The following ASB3 variants were observed in gnomAD, a reference collection of about 807,000 sequenced individuals.
The protein encoded by ASB3 is ankyrin repeat and SOCS box protein 3.
In ASB3, 41 loss-of-function variants were observed where a neutral mutation model predicts 54.5. The observed-to-expected ratio is 0.75, with a 90% CI of 0.59 to 0.98. ASB3 has a LOEUF of 0.98. ASB3 is among the 50% of genes least tolerant of loss of function. The probability of loss-of-function intolerance (pLI) is 0.00; values close to 1 mark genes in which losing one functional copy is unlikely to be tolerated. For missense variants in ASB3, 733 were observed against 620.0 expected, an observed-to-expected ratio of 1.18 and a Z score of -1.94; for synonymous variants, 266 against 221.2, an observed-to-expected ratio of 1.20 and a Z score of -1.80.
At position 53,700,394 on chromosome 2, in the gene ASB3, C is replaced by A. The variant is rs778438272; in HGVS notation, c.1115G>T (p.Gly372Val). ...AAATTCATATATATGGTTCCATGGT[C>A]CCAATGAGCAACCTTTCCTCAAAAA... ...RYFLRKGCSL[G>V]PWNHIYEFVN... Residue 372 changes from glycine to valine, a missense_variant, in exon 8 of 10, where the codon GGA becomes GTA. Physicochemically the swap from Gly to Val is moderately radical, Grantham distance 109. Coordinates refer to ENST00000263634, the MANE Select transcript of ASB3 (RefSeq NM_016115.5). 1 of 1,613,950 alleles carries A rather than the reference C, an allele frequency of 6.2e-7. No homozygotes were observed. The highest frequency in any genetic ancestry group is 8.5e-7 in the Non-Finnish European group (1 of 1,180,004).
At chr2:53,746,425 T>C (rs1195948727) in intron 3 of ASB3, among the ~76,000 whole-genome samples, 1 of 152,002 alleles carries the variant, frequency 6.6e-6, no homozygotes, top group Non-Finnish European at 1.5e-5. Flanking sequence ...ATTTTTTCCA[T>C]ACACAACACT....
intron 1 of ASB3, among the ~76,000 whole-genome samples, chr2:53,784,728 G>A (rs1674840335): frequency 6.6e-6 from 1 of 152,134 alleles, no homozygotes; most frequent in Non-Finnish European, 1.5e-5. Flanking sequence ...AAAGATACCA[G>A]TCACCAGATT....
chr2:53,718,368 T>C (rs1232848830), intron 5 of ASB3, among the ~76,000 whole-genome samples: 1 of 152,200 alleles, frequency 6.6e-6, no homozygotes, highest in Non-Finnish European at 1.5e-5. Context: ...ATTTTCAGCA[T>C]TCTTAAAGAG....
At chr2:53,738,453 A>T (rs1202718966) in intron 3 of ASB3, among the ~76,000 whole-genome samples, 4 of 152,232 alleles carry the variant, frequency 2.6e-5, no homozygotes, top group Non-Finnish European at 5.9e-5. Flanking sequence ...TTAAAATGGA[A>T]TAAAATTAAA....
chr2:53,724,989 C>A (rs947512748), intron 5 of ASB3, among the ~76,000 whole-genome samples: 1 of 152,126 alleles, frequency 6.6e-6, no homozygotes, highest in East Asian at 1.9e-4. Context: ...GCATGTTCAT[C>A]ACGGCACCAT....
chr2:53,721,398 C>CAAAAAAAAAAA (rs1195017138), intron 5 of ASB3, among the ~76,000 whole-genome samples: 1 of 87,386 alleles, frequency 1.1e-5, no homozygotes. Flanking sequence ...TACTAAACTA[C>CAAAAAAAAAAA]AAAAAAAAAA....
In ASB3 at chr2:53,670,448, T is replaced by C; in HGVS notation, c.*55A>G. 1.3e-6 allele frequency: 2 copies of C among 1,567,082 alleles called. No homozygotes were observed. Among genetic ancestry groups the C allele is most frequent in the East Asian group, 4.5e-5 (2 of 44,026 alleles). ...AAAAACTTGTACTCTGTGGCTCTTTTGTCTCGATGATTTTTCAGAGAAAAA... is the reference window on the plus strand; with the variant it reads ...AAAAACTTGTACTCTGTGGCTCTTTCGTCTCGATGATTTTTCAGAGAAAAA... On this transcript the variant is annotated 3_prime_UTR_variant, in exon 10 of 10. Coordinates refer to ENST00000263634, the MANE Select transcript of ASB3 (RefSeq NM_016115.5).
chr2:53,678,002 TTTA>T (rs1668171320), intron 9 of ASB3, among the ~76,000 whole-genome samples: 1 of 152,186 alleles, frequency 6.6e-6, no homozygotes, highest in South Asian at 2.1e-4. Flanking sequence ...TTTTAAAATT[TTTA>T]TTATTTTATT....
At chr2:53,759,919 T>G (rs1197278396) in intron 2 of ASB3, among the ~76,000 whole-genome samples, 1 of 152,090 alleles carries the variant, frequency 6.6e-6, no homozygotes, top group Non-Finnish European at 1.5e-5. Context: ...TGCTTGATCA[T>G]TGAGGGCCAG....
intron 2 of ASB3, among the ~76,000 whole-genome samples, chr2:53,751,207 G>C (rs1157459058): frequency 6.6e-6 from 1 of 152,136 alleles, no homozygotes; most frequent in Non-Finnish European, 1.5e-5. Flanking sequence ...AAGGGAAGAG[G>C]AGTGGCAGAA....
intron 1 of ASB3, chr2:53,774,643 G>A (rs537268578): frequency 2.1e-5 from 15 of 708,218 alleles, no homozygotes; most frequent in Admixed American, 1.1e-4. Flanking sequence ...ATTTTAACTG[G>A]AAATGTCCTG....
chr2:53,758,685 A>G (rs1558564149), intron 2 of ASB3, among the ~76,000 whole-genome samples: 1 of 152,186 alleles, frequency 6.6e-6, no homozygotes, highest in Non-Finnish European at 1.5e-5. Context: ...GAGTGTAACT[A>G]ATCCGATAAG....
chr2:53,771,290 G>A (rs1310771128), intron 1 of ASB3, among the ~76,000 whole-genome samples: 2 of 152,138 alleles, frequency 1.3e-5, no homozygotes, highest in African/African-American at 2.4e-5. Context: ...CGAGACGGGT[G>A]GATTACCTAA....
At chr2:53,751,851 A>G (rs1171029834) in intron 2 of ASB3, among the ~76,000 whole-genome samples, 1 of 152,196 alleles carries the variant, frequency 6.6e-6, no homozygotes, top group Non-Finnish European at 1.5e-5. Flanking sequence ...ACAGTCTCAA[A>G]CTTCACAGAT....
chr2:53,687,244 A>G (rs1668677775), intron 9 of ASB3, among the ~76,000 whole-genome samples: 1 of 152,012 alleles, frequency 6.6e-6, no homozygotes, highest in African/African-American at 2.4e-5. Flanking sequence ...TTAACTATAA[A>G]TTTCTCGCTA....
At chr2:53,765,816 G>T (rs978025921) in intron 1 of ASB3, among the ~76,000 whole-genome samples, 16 of 152,060 alleles carry the variant, frequency 1.1e-4, no homozygotes, top group Non-Finnish European at 1.9e-4. Flanking sequence ...AAACATGAAG[G>T]GACTTTTAAG....
At chr2:53,671,432 C>T (rs180842724) in intron 9 of ASB3, among the ~76,000 whole-genome samples, 110 of 150,106 alleles carry the variant, frequency 7.3e-4, no homozygotes, top group African/African-American at 2.5e-3. Flanking sequence ...AGCTAACTAC[C>T]AATTAAAGGA....
chr2:53,755,839 A>G (rs1366743689), intron 2 of ASB3, among the ~76,000 whole-genome samples: 4 of 152,178 alleles, frequency 2.6e-5, no homozygotes, highest in African/African-American at 9.7e-5. Context: ...AATATCCAGA[A>G]TACATAAAGA....
At chr2:53,725,282 TAGAG>T (rs1303215735) in intron 5 of ASB3, among the ~76,000 whole-genome samples, 2 of 152,216 alleles carry the variant, frequency 1.3e-5, no homozygotes, top group African/African-American at 4.8e-5. Flanking sequence ...TGGGGACTAA[TAGAG>T]AGGGGAGGCA....
Sources: allele counts gnomAD v4.1 joint callset (sites outside exome capture counted in the v4.1 genomes callset), GRCh38; gene constraint gnomAD v4.1.1; transcripts MANE v1.5; gene names NCBI Gene and HGNC (gene_info 2026-07-23, HGNC 2026-07-21).